KIRREL3: variants seen among roughly 807,000 people sequenced by gnomAD.
KIRREL3 encodes kirre like nephrin family adhesion molecule 3.
In KIRREL3, 36 loss-of-function variants were observed where a neutral mutation model predicts 89.7. That is an observed-to-expected ratio of 0.40 (90% CI 0.31 to 0.53). KIRREL3 has a LOEUF of 0.53. Ranked by LOEUF, KIRREL3 falls within the 20% of genes least tolerant of loss-of-function variation. The probability of loss-of-function intolerance (pLI) is 0.49; values close to 1 mark genes in which losing one functional copy is unlikely to be tolerated. For missense variants in KIRREL3, 864 were observed against 1,056.6 expected, an observed-to-expected ratio of 0.82 and a Z score of 2.53; for synonymous variants, 445 against 441.4, an observed-to-expected ratio of 1.01 and a Z score of -0.10.
rs943831069 is a variant in KIRREL3, at chr11:126,608,268, T to A, written c.56-45356A>T. 6.6e-6 allele frequency among the ~76,000 whole-genome samples: 1 copy of A among 152,178 alleles called. No individual in the cohort carries two copies. Among genetic ancestry groups the A allele is most frequent in the African/African-American group, 2.4e-5 (1 of 41,446 alleles). ...CCCCGCTGGGAGCCTCCTATCCACCTGGCAGGCGTTTGGAACAACGTGCTG... is the reference window on the plus strand; with the variant it reads ...CCCCGCTGGGAGCCTCCTATCCACCAGGCAGGCGTTTGGAACAACGTGCTG... On this transcript the variant is annotated intron_variant, in intron 1 of 16. Coordinates refer to ENST00000525144, the MANE Select transcript of KIRREL3 (RefSeq NM_032531.4). This position sits in a 1 kb window ranked among gnomAD's most constrained non-coding sequence, Gnocchi z 4.9.
chr11:126,440,672 G>C (rs1955529704), intron 10 of KIRREL3, 123 bp from the exon 11 acceptor site: 4 of 881,840 alleles, frequency 4.5e-6, no homozygotes, highest in South Asian at 1.4e-5. Context: ...CCGAAGGCCT[G>C]TATGTGCAAG....
chr11:126,923,234 CT>C (rs527918531), intron 1 of KIRREL3, among the ~76,000 whole-genome samples: 770 of 46,380 alleles, frequency 0.017, 154 homozygotes, highest in Middle Eastern at 0.074. Flanking sequence ...TCTTCTTCTT[CT>C]TCTTCTTCTT....
At chr11:126,533,904 C>T (rs1234822639) in intron 2 of KIRREL3, among the ~76,000 whole-genome samples, 1 of 152,180 alleles carries the variant, frequency 6.6e-6, no homozygotes, top group African/African-American at 2.4e-5. Flanking sequence ...TCTCTCAAAG[C>T]CACCCTCTGT....
At chr11:126,680,270 G>A (rs1053351031) in intron 1 of KIRREL3, among the ~76,000 whole-genome samples, 1 of 151,994 alleles carries the variant, frequency 6.6e-6, no homozygotes. Context: ...CATCCTCCTA[G>A]CCTCAGTGAA....
intron 1 of KIRREL3, among the ~76,000 whole-genome samples, chr11:126,711,734 A>G (rs1947763192): frequency 6.6e-6 from 1 of 152,194 alleles, no homozygotes; most frequent in Admixed American, 6.5e-5. Flanking sequence ...TAAGGTGAGA[A>G]TTTAGTAGGC....
At chr11:126,582,706 A>G (rs985193521) in intron 1 of KIRREL3, among the ~76,000 whole-genome samples, 2 of 152,162 alleles carry the variant, frequency 1.3e-5, no homozygotes, top group African/African-American at 4.8e-5. Context: ...AGTATTTGCA[A>G]ACATGTTGTA....
chr11:126,871,589 T>C (rs1274231846), intron 1 of KIRREL3, among the ~76,000 whole-genome samples: 1 of 152,242 alleles, frequency 6.6e-6, no homozygotes, highest in African/African-American at 2.4e-5. Flanking sequence ...AGTTACCTTG[T>C]AGATCTACTA....
chr11:126,741,431 C>A (rs748200789), intron 1 of KIRREL3, among the ~76,000 whole-genome samples: 1 of 152,120 alleles, frequency 6.6e-6, no homozygotes, highest in Non-Finnish European at 1.5e-5. Flanking sequence ...GTAATTCATA[C>A]GGAGCCAGAC....
At chr11:126,659,616 G>A (rs372150543) in intron 1 of KIRREL3, among the ~76,000 whole-genome samples, 1 of 152,184 alleles carries the variant, frequency 6.6e-6, no homozygotes, top group African/African-American at 2.4e-5. Flanking sequence ...GAGGATTAAA[G>A]GTCATGAAAA....
chr11:126,948,960 C>T lies in KIRREL3; in HGVS notation c.55+51495G>A, dbSNP rs952971948. Among the ~76,000 whole-genome samples the T allele has an allele frequency of 1.3e-5, 2 of 152,214 alleles. No individual in the cohort carries two copies. Among genetic ancestry groups the T allele is most frequent in the African/African-American group, 2.4e-5 (1 of 41,446 alleles). ...AATGCCTGAAAGAAAACATGCACTG[C>T]TCCAGGAAAAGCACCAGGCACAGAG... On this transcript the variant is annotated intron_variant, in intron 1 of 16. Coordinates refer to ENST00000525144, the MANE Select transcript of KIRREL3 (RefSeq NM_032531.4). This position sits in a 1 kb window ranked among gnomAD's most constrained non-coding sequence, Gnocchi z 4.5.
At chr11:126,848,138 C>T (rs10790847) in intron 1 of KIRREL3, among the ~76,000 whole-genome samples, 129,427 of 152,242 alleles carry the variant, frequency 0.85, 55,227 homozygotes, top group East Asian at 1. Context: ...AGGAGAGTAA[C>T]TTACCCAACT....
intron 1 of KIRREL3, among the ~76,000 whole-genome samples, chr11:126,871,288 G>A (rs772786523): frequency 1.3e-5 from 2 of 152,138 alleles, no homozygotes; most frequent in Non-Finnish European, 2.9e-5. Flanking sequence ...GGAGGGACAT[G>A]CAGGACCACC....
At chr11:126,435,690 C>CATAG (rs1435565810) in intron 12 of KIRREL3, among the ~76,000 whole-genome samples, 1 of 152,158 alleles carries the variant, frequency 6.6e-6, no homozygotes, top group East Asian at 1.9e-4. Flanking sequence ...CAAAGCAGCA[C>CATAG]CTATTAGGGA....
At chr11:126,711,365 G>C (rs1947746853) in intron 1 of KIRREL3, among the ~76,000 whole-genome samples, 1 of 152,178 alleles carries the variant, frequency 6.6e-6, no homozygotes, top group South Asian at 2.1e-4. Context: ...TTTGAGACCA[G>C]CCTGGCCAAT....
In KIRREL3 at chr11:126,571,748, T is replaced by A. The variant is rs972197818; in HGVS notation, c.56-8836A>T. Reference sequence around the variant, plus strand: ...TTCTTTGGACTTCCAGTATAATCCGTTTGTGAGAGGGGTGGGGCGGGGGGA... The same window carrying A: ...TTCTTTGGACTTCCAGTATAATCCGATTGTGAGAGGGGTGGGGCGGGGGGA... On this transcript the variant is annotated intron_variant, in intron 1 of 16. Transcript: ENST00000525144. The surrounding 1 kb of genome is among the most constrained non-coding windows in gnomAD (Gnocchi z 7.7). Among the ~76,000 whole-genome samples, 1 of 152,024 alleles carries A rather than the reference T, an allele frequency of 6.6e-6. No individual in the cohort carries two copies. Among genetic ancestry groups the A allele is most frequent in the East Asian group, 1.9e-4 (1 of 5,188 alleles).
chr11:126,821,329 G>GTA (rs6144553), intron 1 of KIRREL3, among the ~76,000 whole-genome samples: 18,858 of 103,260 alleles, frequency 0.18, 3,571 homozygotes, highest in African/African-American at 0.28. Context: ...GATAAACACA[G>GTA]TATATATATA....
chr11:126,885,365 A>G (rs2134735816), intron 1 of KIRREL3, among the ~76,000 whole-genome samples: 1 of 152,318 alleles, frequency 6.6e-6, no homozygotes, highest in South Asian at 2.1e-4. Flanking sequence ...AAAGACAGCA[A>G]CATGAAAACA....
At position 126,904,028 on chromosome 11, in the gene KIRREL3, A is replaced by T. The variant is rs1946475982; in HGVS notation, c.55+96427T>A. Among the ~76,000 whole-genome samples, 2 of 152,168 alleles carry T rather than the reference A, an allele frequency of 1.3e-5. No individual in the cohort carries two copies. Among genetic ancestry groups the T allele is most frequent in the South Asian group, 2.1e-4 (1 of 4,828 alleles). On this transcript the variant is annotated intron_variant, in intron 1 of 16. Coordinates refer to ENST00000525144, the MANE Select transcript of KIRREL3 (RefSeq NM_032531.4). The surrounding 1 kb of genome is among the most constrained non-coding windows in gnomAD (Gnocchi z 4.4). ...CACATCTCAACTCTGGCCTGGAGGT[A>T]ATTCTCAAGCAGGGATTTCTGCACT...
chr11:126,621,581 A>AGATACACTCTTT (rs1943575531), intron 1 of KIRREL3, among the ~76,000 whole-genome samples: 1 of 152,224 alleles, frequency 6.6e-6, no homozygotes, highest in South Asian at 2.1e-4. Flanking sequence ...TACTACTCTT[A>AGATACACTCTTT]GATACACTCT....
Sources: allele counts gnomAD v4.1 joint callset (sites outside exome capture counted in the v4.1 genomes callset), GRCh38; gene constraint gnomAD v4.1.1; non-coding constraint Gnocchi (gnomAD v3.1); transcripts MANE v1.5; gene names NCBI Gene and HGNC (gene_info 2026-07-23, HGNC 2026-07-21).